Variants in LSR observed in about 807,000 individuals in gnomAD.
LSR encodes lipolysis stimulated lipoprotein receptor.
Under a neutral mutation model 61.8 loss-of-function variants are expected in LSR, and 44 were observed. The ratio of observed to expected loss-of-function variants is 0.71; its 90% CI spans 0.56 to 0.91. The LOEUF (loss-of-function observed/expected upper bound fraction) is 0.91, where lower values mean the gene tolerates loss of function less well. Ranked by LOEUF, LSR falls within the 40% of genes least tolerant of loss-of-function variation. LSR has a pLI of 0.00. For missense variants in LSR, 911 were observed against 830.5 expected, an observed-to-expected ratio of 1.10 and a Z score of -1.19; for synonymous variants, 397 against 350.6, an observed-to-expected ratio of 1.13 and a Z score of -1.48.
chr19:35,261,046 G>T (rs560476755), intron 3 of LSR, among the ~76,000 whole-genome samples: 4 of 152,352 alleles, frequency 2.6e-5, no homozygotes, highest in African/African-American at 9.6e-5. Flanking sequence ...CCTGTTGCGA[G>T]GGCCTATAGT....
rs755565235 is a variant in LSR, at chr19:35,249,206, G to GGCGGGAA, written c.109+88_109+94dup. The stretch of plus-strand genomic sequence containing the variant: ...GAGGGGGATGGATGGAGTTGGAGGC[G>GGCGGGAA]GCGGGAAGCGGGAAGCGGGGGTCTC... On this transcript the variant is annotated intron_variant, in intron 1 of 9. Coordinates refer to ENST00000605618, the MANE Select transcript of LSR (RefSeq NM_205834.4). The GGCGGGAA allele has an allele frequency of 2.1e-5, 31 of 1,475,374 alleles. No individual in the cohort carries two copies. In the South Asian group the frequency reaches 3.2e-4, roughly 15 times the overall value. 91.4% of individuals were successfully genotyped at this position (1,475,374 alleles called of 1,614,324 possible).
rs770126987 is a variant in LSR, at chr19:35,267,098, C to T, written c.1145-11C>T. ...TCCTCCAGCAGTCAGTGACACCCCC[C>T]TTCCCTGCAGCCATGAGTGAAGTCA... is the stretch of plus-strand genomic sequence containing the variant. On this transcript the variant is annotated splice_polypyrimidine_tract_variant and intron_variant, in intron 8 of 9. Coordinates refer to ENST00000605618, the MANE Select transcript of LSR (RefSeq NM_205834.4). 5 of 1,525,880 alleles carry T rather than the reference C, an allele frequency of 3.3e-6. No individual in the cohort carries two copies. Among genetic ancestry groups the T allele is most frequent in the African/African-American group, 1.4e-5 (1 of 71,950 alleles). The allele number at this position is 1,525,880 out of a possible 1,614,324, so 94.5% of individuals were successfully genotyped here.
chr19:35,250,434 A>C lies in LSR; in HGVS notation c.229A>C (p.Ile77Leu). Reference sequence around the variant, plus strand: ...CTCGACCCCCACGCAACCCATCGTCATCTGGAAGTACAAGTCTTTCTGCCG... The same window carrying C: ...CTCGACCCCCACGCAACCCATCGTCCTCTGGAAGTACAAGTCTTTCTGCCG... ...MTSTPTQPIV[I>L]WKYKSFCRDR... Residue 77 changes from isoleucine to leucine, a missense_variant, in exon 2 of 10, where the codon ATC (isoleucine) becomes CTC (leucine). Transcript: ENST00000605618. 1.2e-6 allele frequency: 2 copies of C among 1,614,008 alleles called. No homozygotes were observed. The highest frequency in any genetic ancestry group is 1.7e-6 in the Non-Finnish European group (2 of 1,179,978).
At chr19:35,264,799 T>C (rs942498457) in intron 5 of LSR, 1 of 152,216 alleles carries the variant, frequency 6.6e-6, no homozygotes, top group Non-Finnish European at 1.5e-5. Context: ...ATCTGGGGAT[T>C]TGGCGAGCTC....
intron 3 of LSR, among the ~76,000 whole-genome samples, chr19:35,261,571 G>C (rs886404780): frequency 1.3e-5 from 2 of 152,152 alleles, no homozygotes; most frequent in Non-Finnish European, 2.9e-5. Context: ...CCCTGTGCCT[G>C]CTGGAACAGG....
In LSR at chr19:35,267,191, T is replaced by C; in HGVS notation, c.1227T>C (p.Asp409=). The C allele has an allele frequency of 6.6e-7, 1 of 1,523,122 alleles. No homozygotes were observed. Among genetic ancestry groups the C allele is most frequent in the Non-Finnish European group, 8.8e-7 (1 of 1,138,778 alleles). The allele number at this position is 1,523,122 out of a possible 1,614,324, so 94.4% of individuals were successfully genotyped here. The change falls in exon 9 of 10, where the codon GAT becomes GAC. Residue 409 remains aspartate (D), a synonymous_variant. Transcript: ENST00000605618. The part of the protein sequence containing the change: ...SRGPALTPIR[D]EEWGGHSPRS... ...GCCCTGCCCTCACCCCGATCCGGGA[T>C]GAGGAGTGGGGTGGCCACTCCCCCC...
rs1458238945 is a variant in LSR, at chr19:35,267,227, G to A, written c.1263G>A (p.Arg421=). 4 of 1,524,292 alleles carry A rather than the reference G, an allele frequency of 2.6e-6. No individual in the cohort carries two copies. The highest frequency in any genetic ancestry group is 3.5e-6 in the Non-Finnish European group (4 of 1,138,896). The allele number at this position is 1,524,292 out of a possible 1,614,324, so 94.4% of individuals were successfully genotyped here. A position where few individuals can be genotyped will look rare whatever the true frequency, so the allele number is the denominator to read the frequency against. ...GTGGCCACTCCCCCCGGAGTCCCAG[G>A]GGATGGGACCAGGAGCCCGCCAGGG... is the stretch of plus-strand genomic sequence containing the variant. The part of the protein sequence containing the change: ...EWGGHSPRSP[R]GWDQEPAREQ... Residue 421 remains arginine, a synonymous_variant, in exon 9 of 10, where the codon AGG becomes AGA. Transcript: ENST00000605618.
At chr19:35,253,943 C>A (rs895288669) in intron 2 of LSR, among the ~76,000 whole-genome samples, 1 of 152,166 alleles carries the variant, frequency 6.6e-6, no homozygotes, top group Admixed American at 6.5e-5. Flanking sequence ...AAACCACCCC[C>A]ACCTGGGCCT....
chr19:35,252,773 G>A (rs112164782), intron 2 of LSR, among the ~76,000 whole-genome samples: 14,334 of 152,154 alleles, frequency 0.094, 826 homozygotes, highest in Non-Finnish European at 0.13. Flanking sequence ...AGCACTTTGG[G>A]AGGCCAAGGC....
At chr19:35,257,643 G>T (rs959163536) in intron 2 of LSR, among the ~76,000 whole-genome samples, 16 of 152,152 alleles carry the variant, frequency 1.1e-4, no homozygotes, top group Non-Finnish European at 1.9e-4. Flanking sequence ...AGGCAGGTCA[G>T]GCTAGGAGGA....
chr19:35,267,522 C>A lies in LSR; in HGVS notation c.1558C>A (p.His520Asn). Residue 520 changes from histidine (H) to asparagine (N), a missense_variant, in exon 9 of 10, where the codon CAC (histidine) becomes AAC (asparagine). Coordinates refer to ENST00000605618, the MANE Select transcript of LSR (RefSeq NM_205834.4). ...CCCTCCTGCCGACCCCAGGTCCCAC[C>A]ACCACCGTACCCGGGACCCTCGGGA... is the stretch of plus-strand genomic sequence containing the variant. ...ERPPADPRSH[H>N]HRTRDPRDNG... 6.2e-7 allele frequency: 1 copy of A among 1,612,012 alleles called. No individual in the cohort carries two copies. The highest frequency in any genetic ancestry group is 1.7e-4 in the Middle Eastern group (1 of 6,058).
At position 35,261,990 on chromosome 19, in the gene LSR, G is replaced by A. The variant is rs200926754; in HGVS notation, c.631+9G>A. ...GGCGGGGCCCATAGAAGGTACGGGG[G>A]GTGGATCCTGAGTTGGGCTTCTCGG... is the stretch of plus-strand genomic sequence containing the variant. On this transcript the variant is annotated intron_variant, in intron 4 of 9. Coordinates refer to ENST00000605618, the MANE Select transcript of LSR (RefSeq NM_205834.4). 13 of 1,518,906 alleles carry A rather than the reference G, an allele frequency of 8.6e-6. No individual in the cohort carries two copies. The highest frequency in any genetic ancestry group is 1.1e-5 in the Non-Finnish European group (13 of 1,144,738). 94.1% of individuals were successfully genotyped at this position (1,518,906 alleles called of 1,614,324 possible).
intron 3 of LSR, 48 bp from the exon 4 acceptor site, chr19:35,261,877 C>A: frequency 7.5e-7 from 1 of 1,331,870 alleles, no homozygotes; most frequent in Non-Finnish European, 9.9e-7. Context: ...GTGGCACAGC[C>A]TGGGCTGGCT....
chr19:35,250,702 G>C (rs374217354), intron 2 of LSR, 43 bp downstream of exon 2: 1 of 1,456,646 alleles, frequency 6.9e-7, no homozygotes, highest in African/African-American at 1.4e-5. Context: ...GCTTGCCCGG[G>C]TGGTGGGACT....
At position 35,266,897 on chromosome 19, in the gene LSR, C is replaced by T. The variant is rs1281641570; in HGVS notation, c.1074C>T (p.Tyr358=). ...SQQDDSMRVL[Y]YMEKELANFD... is the part of the protein sequence containing the mutation. ...AGGACGACTCCATGCGGGTCCTGTA[C>T]TACATGGAGAAGGAGCTGGCCAACT... Residue 358 remains tyrosine (Y), a synonymous_variant, in exon 8 of 10, where the codon TAC becomes TAT. Coordinates refer to ENST00000605618, the MANE Select transcript of LSR (RefSeq NM_205834.4). 4 of 1,613,588 alleles carry T rather than the reference C, an allele frequency of 2.5e-6. No individual in the cohort carries two copies. The highest frequency in any genetic ancestry group is 3.4e-6 in the Non-Finnish European group (4 of 1,179,836).
chr19:35,261,660 G>C (rs2065930562), intron 3 of LSR, among the ~76,000 whole-genome samples: 1 of 152,196 alleles, frequency 6.6e-6, no homozygotes, highest in Non-Finnish European at 1.5e-5. Flanking sequence ...CCCAAGCTGA[G>C]GTAGAGCCCT....
intron 7 of LSR, 41 bp from the exon 8 acceptor site, chr19:35,266,795 G>A (rs1451218746): frequency 1.2e-6 from 2 of 1,608,284 alleles, no homozygotes; most frequent in Non-Finnish European, 1.7e-6. Flanking sequence ...GGTGGGCCAG[G>A]ATCCATCCTC....
intron 2 of LSR, among the ~76,000 whole-genome samples, chr19:35,254,161 T>C (rs1418822238): frequency 6.6e-6 from 1 of 152,174 alleles, no homozygotes; most frequent in Non-Finnish European, 1.5e-5. Flanking sequence ...TGGTGCAATC[T>C]CAGCTCACTG....
intron 3 of LSR, among the ~76,000 whole-genome samples, chr19:35,259,629 C>T (rs999599415): frequency 1.3e-5 from 2 of 150,626 alleles, no homozygotes; most frequent in Non-Finnish European, 3.0e-5. Flanking sequence ...CAGAGTGAGA[C>T]TCTGTCCAAA....
Sources: allele counts gnomAD v4.1 joint callset (sites outside exome capture counted in the v4.1 genomes callset), GRCh38; gene constraint gnomAD v4.1.1; transcripts MANE v1.5; gene names NCBI Gene and HGNC (gene_info 2026-07-23, HGNC 2026-07-21).